The following KLF12 variants were observed in gnomAD, a reference collection of about 807,000 sequenced individuals.
KLF12 encodes the protein KLF transcription factor 12, also known as Krueppel-like factor 12.
KLF12 carries 9 observed loss-of-function variants against 37.8 expected under a neutral mutation model. That is an observed-to-expected ratio of 0.24 (90% CI 0.14 to 0.42). The LOEUF is 0.42. Among genes scored for constraint, KLF12 ranks in the 10% least tolerant of loss-of-function variants. The pLI is 1.00. For synonymous variants in KLF12, 208 were observed against 202.1 expected, an observed-to-expected ratio of 1.03 and a Z score of -0.25; for missense variants, 411 against 516.0, an observed-to-expected ratio of 0.80 and a Z score of 1.97.
rs1483156556 is a variant in KLF12 at position 74,076,400 on chromosome 13, A to C, written c.-32+57339T>G. Reference sequence around the variant, plus strand: ...ATCAAGGGGCTGGAAGGTTTGTCAGACAGGTGAGGGGTGTTCTCTGCTTCC... The same window carrying C: ...ATCAAGGGGCTGGAAGGTTTGTCAGCCAGGTGAGGGGTGTTCTCTGCTTCC... On this transcript the variant is annotated intron_variant, in intron 1 of 7. Transcript: ENST00000377669. 2.6e-5 allele frequency among the ~76,000 whole-genome samples: 4 copies of C among 152,296 alleles called. No individual in the cohort carries two copies. In the East Asian group the frequency reaches 7.7e-4, roughly 29 times the overall value.
chr13:74,283,529 C>G, the KLF12 span, among the ~76,000 whole-genome samples: 1 of 152,094 alleles, frequency 6.6e-6, no homozygotes, highest in Non-Finnish European at 1.5e-5. Context: ...TGCAGATACT[C>G]CTTTACAGGG....
chr13:73,920,223 CATAA>C (rs1384208903), intron 3 of KLF12, among the ~76,000 whole-genome samples: 2 of 152,072 alleles, frequency 1.3e-5, no homozygotes, highest in African/African-American at 2.4e-5. Flanking sequence ...AAATATTACA[CATAA>C]ATATTTGTAT....
At chr13:73,933,499 C>A (rs1889779725) in intron 3 of KLF12, among the ~76,000 whole-genome samples, 1 of 152,090 alleles carries the variant, frequency 6.6e-6, no homozygotes, top group African/African-American at 2.4e-5. Flanking sequence ...AGTTTCTGAT[C>A]TGAGGACAGG....
chr13:74,013,554 A>G (rs373770879), intron 1 of KLF12, among the ~76,000 whole-genome samples: 118 of 152,314 alleles, frequency 7.7e-4, no homozygotes, highest in African/African-American at 2.7e-3. Flanking sequence ...CACCATCTAC[A>G]TATCAGCCAG....
intron 3 of KLF12, among the ~76,000 whole-genome samples, chr13:73,851,500 A>G (rs1303969947): frequency 3.3e-5 from 5 of 152,224 alleles, no homozygotes; most frequent in Non-Finnish European, 7.3e-5. Context: ...TTGATGGAAT[A>G]CATTTTAACT....
At chr13:74,268,718 G>A in the KLF12 span, among the ~76,000 whole-genome samples, 70 of 152,252 alleles carry the variant, frequency 4.6e-4, no homozygotes, top group Middle Eastern at 3.4e-3. Context: ...TGCTTTTCAG[G>A]TTACAGCTCA....
rs1566331132 is a variant in KLF12, at chr13:73,738,107, A to ATG, written c.870-22583_870-22582insCA. ...TGTATGTGTACATATATATATATAT[A>ATG]TATATATATATATATATACACACAC... On this transcript the variant is annotated intron_variant, in intron 6 of 7. Transcript: ENST00000377669. 1.3e-3 allele frequency among the ~76,000 whole-genome samples: 102 copies of ATG among 77,272 alleles called. 3 individuals are homozygous for ATG. The highest frequency in any genetic ancestry group is 4.7e-3 in the African/African-American group (74 of 15,690). 50.7% of individuals were successfully genotyped at this position (77,272 alleles called of 152,430 possible). A position where few individuals can be genotyped will look rare whatever the true frequency, so the allele number is the denominator to read the frequency against.
At chr13:74,187,328 G>GA in the KLF12 span, among the ~76,000 whole-genome samples, 92 of 132,556 alleles carry the variant, frequency 6.9e-4, no homozygotes, top group Admixed American at 8.3e-4. Flanking sequence ...TGTCTCAAAA[G>GA]AAAAAAAAAA....
chr13:74,266,886 G>A, the KLF12 span, among the ~76,000 whole-genome samples: 79 of 152,306 alleles, frequency 5.2e-4, no homozygotes, highest in African/African-American at 1.4e-3. Context: ...AATAATTTGA[G>A]CAGGTAGTCA....
At chr13:74,141,692 G>C in the KLF12 span, among the ~76,000 whole-genome samples, 1 of 152,218 alleles carries the variant, frequency 6.6e-6, no homozygotes, top group Non-Finnish European at 1.5e-5. Context: ...GAAAAAAAAG[G>C]CTAAGAGCAA....
intron 1 of KLF12, among the ~76,000 whole-genome samples, chr13:74,034,589 A>G (rs1893200209): frequency 6.6e-6 from 1 of 152,260 alleles, no homozygotes. Context: ...TACAATTTCT[A>G]GATTTGGAGT....
At chr13:74,229,742 C>T in the KLF12 span, among the ~76,000 whole-genome samples, 3 of 152,236 alleles carry the variant, frequency 2.0e-5, no homozygotes, top group Non-Finnish European at 2.9e-5. Context: ...AGGCCTGCAC[C>T]GGAATAAGCT....
At chr13:73,944,191 GAATA>G in intron 2 of KLF12, 121 bp from the exon 3 acceptor site, 3 of 650,854 alleles carry the variant, frequency 4.6e-6, no homozygotes, top group Non-Finnish European at 8.1e-6. Flanking sequence ...AAACAATAAA[GAATA>G]ATTAAATGAA....
chr13:74,215,279 C>G, the KLF12 span, among the ~76,000 whole-genome samples: 1 of 151,710 alleles, frequency 6.6e-6, no homozygotes, highest in Non-Finnish European at 1.5e-5. Flanking sequence ...CTTTATCTTC[C>G]TACACTTCTA....
At chr13:74,101,866 T>A (rs1016957343) in intron 1 of KLF12, among the ~76,000 whole-genome samples, 1 of 151,996 alleles carries the variant, frequency 6.6e-6, no homozygotes, top group Non-Finnish European at 1.5e-5. Context: ...AAAATGAAAA[T>A]CACCATTTGG....
intron 4 of KLF12, among the ~76,000 whole-genome samples, chr13:73,817,324 A>AAAAAAG (rs1184659945): frequency 1.1e-4 from 11 of 97,778 alleles, no homozygotes; most frequent in Admixed American, 4.3e-4. Flanking sequence ...GTTTCAAAAA[A>AAAAAAG]AAAAGAAAAG....
intron 2 of KLF12, among the ~76,000 whole-genome samples, chr13:73,958,984 G>A (rs1890934157): frequency 6.6e-6 from 1 of 151,936 alleles, no homozygotes; most frequent in African/African-American, 2.4e-5. Context: ...TGTATCTTTA[G>A]CACTGGCCTC....
intron 3 of KLF12, among the ~76,000 whole-genome samples, chr13:73,885,710 C>T (rs1197734501): frequency 6.6e-6 from 1 of 152,152 alleles, no homozygotes; most frequent in Non-Finnish European, 1.5e-5. Flanking sequence ...AAGAATAGCG[C>T]TAATTCAAAG....
chr13:74,279,315 C>T, the KLF12 span, among the ~76,000 whole-genome samples: 2 of 152,096 alleles, frequency 1.3e-5, no homozygotes, highest in African/African-American at 4.8e-5. Flanking sequence ...GACTCTTGGC[C>T]TTCTATCCTG....
Sources: allele counts gnomAD v4.1 joint callset (sites outside exome capture counted in the v4.1 genomes callset), GRCh38; gene constraint gnomAD v4.1.1; transcripts MANE v1.5; gene names NCBI Gene and HGNC (gene_info 2026-07-23, HGNC 2026-07-21).